Variants in SLC24A4 observed in about 807,000 individuals in gnomAD.
The protein encoded by SLC24A4 is sodium/potassium/calcium exchanger 4.
In SLC24A4, 53 loss-of-function variants were observed where a neutral mutation model predicts 79.0. The observed-to-expected ratio is 0.67, with a 90% CI of 0.54 to 0.84. The LOEUF (loss-of-function observed/expected upper bound fraction) is 0.84. Ranked by LOEUF, SLC24A4 falls within the 40% of genes least tolerant of loss-of-function variation. The probability of loss-of-function intolerance (pLI) is 0.00; values close to 1 mark genes in which losing one functional copy is unlikely to be tolerated. For missense variants in SLC24A4, 731 were observed against 822.0 expected, an observed-to-expected ratio of 0.89 and a Z score of 1.35; for synonymous variants, 323 against 323.8, an observed-to-expected ratio of 1.00 and a Z score of 0.03.
chr14:92,392,467 T>C (rs1566735417), intron 2 of SLC24A4, among the ~76,000 whole-genome samples: 1 of 152,042 alleles, frequency 6.6e-6, no homozygotes. Context: ...TCTGGGGCTG[T>C]TCTCCTCGAG....
rs774367186 is a variant in SLC24A4 at position 92,326,022 on chromosome 14, G to C, written c.241+44G>C. 2.9e-5 allele frequency: 41 copies of C among 1,428,034 alleles called. No homozygotes were observed. The Middle Eastern group carries it at 2.1e-3, about 74-fold the overall frequency. 88.5% of individuals were successfully genotyped at this position (1,428,034 alleles called of 1,614,324 possible). ...TCCACTCAGTCTACTAAGATGTTTG[G>C]CCTGGCCTGGAGATGGCGCTTATGT... On this transcript the variant is annotated intron_variant, in intron 2 of 16. Transcript: ENST00000532405.
At chr14:92,326,420 G>GCA (rs1885138296) in intron 2 of SLC24A4, among the ~76,000 whole-genome samples, 1 of 152,160 alleles carries the variant, frequency 6.6e-6, no homozygotes, top group Admixed American at 6.5e-5. Flanking sequence ...CAGCTGCAGG[G>GCA]GTGGGACACT....
chr14:92,367,410 T>C (rs1887911018), intron 2 of SLC24A4, among the ~76,000 whole-genome samples: 1 of 152,236 alleles, frequency 6.6e-6, no homozygotes, highest in Non-Finnish European at 1.5e-5. Flanking sequence ...GCCTGGTTAG[T>C]AAGCTGCAGA....
chr14:92,351,236 G>GCGTGCACACACACA (rs112120101), intron 2 of SLC24A4, among the ~76,000 whole-genome samples: 2 of 146,986 alleles, frequency 1.4e-5, no homozygotes, highest in Non-Finnish European at 1.5e-5. Flanking sequence ...ACACATACAC[G>GCGTGCACACACACA]CACACACACA....
intron 2 of SLC24A4, among the ~76,000 whole-genome samples, chr14:92,397,730 C>T (rs114826365): frequency 4.5e-4 from 68 of 152,100 alleles, no homozygotes; most frequent in African/African-American, 1.5e-3. Context: ...TTGGAAGGAA[C>T]GAATAAGATT....
At chr14:92,355,508 G>A (rs1232771840) in intron 2 of SLC24A4, among the ~76,000 whole-genome samples, 2 of 152,238 alleles carry the variant, frequency 1.3e-5, no homozygotes, top group Non-Finnish European at 2.9e-5. Flanking sequence ...TTGGACCCTA[G>A]GTTTTCACTT....
intron 13 of SLC24A4, 48 bp from the exon 14 acceptor site, chr14:92,486,618 C>T (rs1780845256): frequency 2.5e-6 from 3 of 1,195,144 alleles, no homozygotes; most frequent in Non-Finnish European, 3.7e-6. Flanking sequence ...TTTCTTTAGT[C>T]CACACACTGT....
rs1470383145 is a variant in SLC24A4 at position 92,474,681 on chromosome 14, AC to A, written c.1256-7998del. ...TGTGTGTGTGTGTATATATATATAT[AC>A]ACATATATATGTATATATACGTGTG... On this transcript the variant is annotated intron_variant, in intron 12 of 16. Transcript: ENST00000532405. Among the ~76,000 whole-genome samples, 345 of 131,344 alleles carry A rather than the reference AC, an allele frequency of 2.6e-3. 3 individuals are homozygous for A. The highest frequency in any genetic ancestry group is 8.8e-3 in the African/African-American group (313 of 35,732). The allele number at this position is 131,344 out of a possible 152,430, so 86.2% of individuals were successfully genotyped here.
At chr14:92,449,463 G>T (rs1439386455) in intron 10 of SLC24A4, among the ~76,000 whole-genome samples, 1 of 152,196 alleles carries the variant, frequency 6.6e-6, no homozygotes, top group Non-Finnish European at 1.5e-5. Flanking sequence ...CCAGGAAAGA[G>T]AAAAACCACA....
chr14:92,338,637 G>A (rs1179182689), intron 2 of SLC24A4, among the ~76,000 whole-genome samples: 2 of 152,238 alleles, frequency 1.3e-5, no homozygotes, highest in Non-Finnish European at 2.9e-5. Context: ...TACATGCCAA[G>A]TTCAGGGATG....
At position 92,326,643 on chromosome 14, in the gene SLC24A4, G is replaced by A. The variant is rs1015462862; in HGVS notation, c.241+665G>A. Among the ~76,000 whole-genome samples the A allele has an allele frequency of 1.7e-4, 26 of 152,180 alleles. 1 individual carries two copies. Among genetic ancestry groups the A allele is most frequent in the South Asian group, 4.1e-4 (2 of 4,828 alleles). On this transcript the variant is annotated intron_variant, in intron 2 of 16. Coordinates refer to ENST00000532405, the MANE Select transcript of SLC24A4 (RefSeq NM_153646.4). ...AAGAAGATTATCAGGAGAAGACAGCGTATTGGCAGAGAGCAGAACTCACAG... is the reference window on the plus strand; with the variant it reads ...AAGAAGATTATCAGGAGAAGACAGCATATTGGCAGAGAGCAGAACTCACAG...
intron 2 of SLC24A4, among the ~76,000 whole-genome samples, chr14:92,387,780 A>G (rs970687980): frequency 6.6e-6 from 1 of 152,238 alleles, no homozygotes; most frequent in Non-Finnish European, 1.5e-5. Flanking sequence ...TGGCTGCTCC[A>G]GGTACCTCAA....
chr14:92,437,362 TC>T, intron 3 of SLC24A4, among the ~76,000 whole-genome samples: 1 of 152,226 alleles, frequency 6.6e-6, no homozygotes. Context: ...GCGAGGGTTT[TC>T]CTGGCTTCCT....
At chr14:92,387,102 C>T (rs1443381875) in intron 2 of SLC24A4, among the ~76,000 whole-genome samples, 6 of 147,890 alleles carry the variant, frequency 4.1e-5, no homozygotes, top group African/African-American at 1.5e-4. Flanking sequence ...GGAAACAGTA[C>T]AGTAGGGGTG....
intron 2 of SLC24A4, among the ~76,000 whole-genome samples, chr14:92,348,108 A>T (rs574013932): frequency 6.6e-6 from 1 of 152,334 alleles, no homozygotes; most frequent in Non-Finnish European, 1.5e-5. Context: ...AGGGAGAAGA[A>T]GGACGTTCTC....
chr14:92,372,449 G>A (rs1888220999), intron 2 of SLC24A4, among the ~76,000 whole-genome samples: 1 of 152,096 alleles, frequency 6.6e-6, no homozygotes, highest in African/African-American at 2.4e-5. Context: ...TGGTCCCTGG[G>A]CTGGGTGTGG....
chr14:92,333,646 G>A (rs1885607456), intron 2 of SLC24A4, among the ~76,000 whole-genome samples: 1 of 152,238 alleles, frequency 6.6e-6, no homozygotes, highest in South Asian at 2.1e-4. Flanking sequence ...GAAGCGGGCT[G>A]ATGCAGGCTG....
At chr14:92,389,885 C>T (rs761819853) in intron 2 of SLC24A4, among the ~76,000 whole-genome samples, 3 of 152,214 alleles carry the variant, frequency 2.0e-5, no homozygotes, top group Non-Finnish European at 2.9e-5. Flanking sequence ...CCCCTGGGCG[C>T]CTGCGTTCCC....
At chr14:92,447,029 G>A (rs1892833137) in intron 8 of SLC24A4, among the ~76,000 whole-genome samples, 1 of 152,178 alleles carries the variant, frequency 6.6e-6, no homozygotes, top group South Asian at 2.1e-4. Flanking sequence ...GGTCGAGTTT[G>A]TGTGACTTCA....
Sources: allele counts gnomAD v4.1 joint callset (sites outside exome capture counted in the v4.1 genomes callset), GRCh38; gene constraint gnomAD v4.1.1; transcripts MANE v1.5; gene names NCBI Gene and HGNC (gene_info 2026-07-23, HGNC 2026-07-21).